IFI27L1: variants seen among roughly 807,000 people sequenced by gnomAD.
IFI27L1 encodes interferon alpha-inducible protein 27-like protein 1.
A neutral mutation model predicts 9.2 loss-of-function variants in IFI27L1; 3 were observed. That is an observed-to-expected ratio of 0.32 (90% confidence interval 0.15 to 0.84). The LOEUF (loss-of-function observed/expected upper bound fraction) is 0.84. Among genes scored for constraint, IFI27L1 ranks in the 40% least tolerant of loss-of-function variants. The probability of loss-of-function intolerance (pLI) is 0.56; values close to 1 mark genes in which losing one functional copy is unlikely to be tolerated. For synonymous variants in IFI27L1, 53 were observed against 50.0 expected, an observed-to-expected ratio of 1.06 and a Z score of -0.26; for missense variants, 133 against 134.2, an observed-to-expected ratio of 0.99 and a Z score of 0.05.
rs1218160758 is a variant in IFI27L1, at chr14:94,096,913, G to A, written c.-25G>A. 6.2e-7 allele frequency: 1 copy of A among 1,612,324 alleles called. No homozygotes were observed. Among genetic ancestry groups the A allele is most frequent in the Non-Finnish European group, 8.5e-7 (1 of 1,178,654 alleles). The stretch of plus-strand genomic sequence containing the variant: ...TGGAAGTCCAAGAATCCGAGTGGAG[G>A]CTCACCGAGGCGAAGGGGCCAACCA... On this transcript the variant is annotated 5_prime_UTR_variant, in exon 2 of 5. Coordinates refer to ENST00000555523, the MANE Select transcript of IFI27L1 (RefSeq NM_206949.3).
chr14:94,096,763 TTA>T (rs1886686850), intron 1 of IFI27L1, 122 bp from the exon 2 acceptor site: 1 of 560,640 alleles, frequency 1.8e-6, no homozygotes, highest in Non-Finnish European at 3.2e-6. Flanking sequence ...GTTTACGGGA[TTA>T]TATGTTTTAT....
intron 2 of IFI27L1, chr14:94,100,285 T>A (rs1886843174): frequency 1.0e-6 from 1 of 985,400 alleles, no homozygotes. Flanking sequence ...GTTACTTGGC[T>A]GAGACCAAGG....
At chr14:94,097,527 G>A (rs1886715867) in intron 2 of IFI27L1, 4 of 664,738 alleles carry the variant, frequency 6.0e-6, no homozygotes, top group Middle Eastern at 7.1e-4. Flanking sequence ...TGAGAGGATG[G>A]ATTCCGGGTT....
intron 1 of IFI27L1, among the ~76,000 whole-genome samples, chr14:94,083,879 C>G (rs72702311): frequency 0.013 from 2,026 of 152,124 alleles, 18 homozygotes; most frequent in Non-Finnish European, 0.02. Context: ...CGCTTGGGCT[C>G]TGGAGTGTGA....
intron 1 of IFI27L1, among the ~76,000 whole-genome samples, chr14:94,086,069 A>G (rs1328681239): frequency 2.0e-5 from 3 of 152,084 alleles, no homozygotes; most frequent in African/African-American, 7.2e-5. Context: ...GTCTGGTGGG[A>G]GGTGTTTGGA....
rs899338052 is a variant in IFI27L1, at chr14:94,100,392, C to T, written c.29-347C>T. On this transcript the variant is annotated intron_variant, in intron 2 of 4. Coordinates refer to ENST00000555523, the MANE Select transcript of IFI27L1 (RefSeq NM_206949.3). The stretch of plus-strand genomic sequence containing the variant: ...GCCTAAGCACCCCAGTCCCTGCCCC[C>T]GTGGCAGCCATTGTCAGATGTTCCT... The T allele has an allele frequency of 9.1e-6, 9 of 985,274 alleles. 1 individual carries two copies. The highest frequency in any genetic ancestry group is 1.0e-3 in the Middle Eastern group (2 of 1,936). The allele number at this position is 985,274 out of a possible 1,614,324, so 61.0% of individuals were successfully genotyped here. A position where few individuals can be genotyped will look rare whatever the true frequency, so the allele number is the denominator to read the frequency against.
intron 1 of IFI27L1, among the ~76,000 whole-genome samples, chr14:94,090,896 A>T (rs977829570): frequency 1.3e-5 from 2 of 152,260 alleles, no homozygotes; most frequent in Non-Finnish European, 2.9e-5. Context: ...TGGAGAAATC[A>T]GGTAGAGAGA....
chr14:94,087,484 T>A (rs1886319042), intron 1 of IFI27L1, among the ~76,000 whole-genome samples: 2 of 152,230 alleles, frequency 1.3e-5, no homozygotes, highest in Admixed American at 1.3e-4. Context: ...TGGAGTGCAG[T>A]GGCGCATCTC....
intron 1 of IFI27L1, among the ~76,000 whole-genome samples, chr14:94,083,996 T>G (rs1886197408): frequency 6.6e-6 from 1 of 152,080 alleles, no homozygotes; most frequent in Admixed American, 6.5e-5. Context: ...GGGGGAGATG[T>G]CAACCAAAAG....
rs1886529348 is a variant in IFI27L1, at chr14:94,092,857, C to A, written c.-51-4030C>A. Among the ~76,000 whole-genome samples, 6 of 152,288 alleles carry A rather than the reference C, an allele frequency of 3.9e-5. No individual in the cohort carries two copies. The South Asian group carries it at 1.2e-3, about 32-fold the overall frequency. On this transcript the variant is annotated intron_variant, in intron 1 of 4. Transcript: ENST00000555523. The stretch of plus-strand genomic sequence containing the variant: ...CTCGTGGTAGTAAGTCTCATGAGAT[C>A]TGATGATTTTATAAGGGGTTTCCCT...
At chr14:94,085,282 A>G (rs1294393468) in intron 1 of IFI27L1, among the ~76,000 whole-genome samples, 1 of 152,208 alleles carries the variant, frequency 6.6e-6, no homozygotes, top group Non-Finnish European at 1.5e-5. Flanking sequence ...GCCTGGAGTC[A>G]GGTCTGAGCT....
chr14:94,101,336 G>T (rs1368943102), intron 3 of IFI27L1: 2 of 215,522 alleles, frequency 9.3e-6, no homozygotes, highest in East Asian at 1.1e-4. Context: ...ATTGCAGATG[G>T]CTCTCTGACT....
Position 94,088,331 on chromosome 14 carries a change from G to A in IFI27L1, c.-52+6882G>A, listed in dbSNP as rs940590220. ...AAGTTTTCATTTTACTGGCATAGAT[G>A]CCCCAGAGCCAACAGGTGTGGCAGT... On this transcript the variant is annotated intron_variant, in intron 1 of 4. Coordinates refer to ENST00000555523, the MANE Select transcript of IFI27L1 (RefSeq NM_206949.3). The A allele has an allele frequency of 4.3e-6, 3 of 702,120 alleles. No individual in the cohort carries two copies. The African/African-American group carries it at 5.2e-5, about 12-fold the overall frequency. The allele number at this position is 702,120 out of a possible 1,614,324, so 43.5% of individuals were successfully genotyped here. A position where few individuals can be genotyped will look rare whatever the true frequency, so the allele number is the denominator to read the frequency against.
At chr14:94,095,292 C>A (rs1426596834) in intron 1 of IFI27L1, among the ~76,000 whole-genome samples, 1 of 152,180 alleles carries the variant, frequency 6.6e-6, no homozygotes, top group African/African-American at 2.4e-5. Context: ...TTGTCTTAGC[C>A]TCCCAAGTAA....
At position 94,084,075 on chromosome 14, in the gene IFI27L1, T is replaced by C. The variant is rs140446876; in HGVS notation, c.-52+2626T>C. On this transcript the variant is annotated intron_variant, in intron 1 of 4. Transcript: ENST00000555523. ...TATTTTTTTTCCTTCTTCTCAATAT[T>C]CTAATTTTAAAAAATAGTAAGAATA... 2.0e-3 allele frequency among the ~76,000 whole-genome samples: 302 copies of C among 152,304 alleles called. 2 individuals are homozygous for C. The highest frequency in any genetic ancestry group is 0.017 in the Middle Eastern group (5 of 294).
At chr14:94,083,513 C>T (rs1886179910) in intron 1 of IFI27L1, among the ~76,000 whole-genome samples, 1 of 152,176 alleles carries the variant, frequency 6.6e-6, no homozygotes, top group Non-Finnish European at 1.5e-5. Context: ...AAGAGTCAAT[C>T]CATGCAGCAA....
At chr14:94,082,813 GT>G (rs1886154247) in intron 1 of IFI27L1, among the ~76,000 whole-genome samples, 1 of 152,214 alleles carries the variant, frequency 6.6e-6, no homozygotes, top group Admixed American at 6.5e-5. Context: ...AATGTGCATA[GT>G]CACACGAGAG....
Position 94,101,811 on chromosome 14 carries a change from C to T in IFI27L1, c.62-3C>T. The T allele has an allele frequency of 6.2e-7, 1 of 1,614,190 alleles. No individual in the cohort carries two copies. The highest frequency in any genetic ancestry group is 8.5e-7 in the Non-Finnish European group (1 of 1,180,014). On this transcript the variant is annotated splice_region_variant and splice_polypyrimidine_tract_variant and intron_variant, in intron 3 of 4. Coordinates refer to ENST00000555523, the MANE Select transcript of IFI27L1 (RefSeq NM_206949.3). Reference sequence around the variant, plus strand: ...GCCAACCCCAAATCTCCACTTCCCGCAGTTGTGGCTGTGGGGACTGTGCTC... The same window carrying T: ...GCCAACCCCAAATCTCCACTTCCCGTAGTTGTGGCTGTGGGGACTGTGCTC...
At chr14:94,094,701 G>A (rs78833504) in intron 1 of IFI27L1, 10,833 of 152,066 alleles carry the variant, frequency 0.071, 463 homozygotes, top group Non-Finnish European at 0.091. Context: ...TCAGTCGAGC[G>A]GCCCAAGCTG....
Sources: allele counts gnomAD v4.1 joint callset (sites outside exome capture counted in the v4.1 genomes callset), GRCh38; gene constraint gnomAD v4.1.1; transcripts MANE v1.5; gene names NCBI Gene and HGNC (gene_info 2026-07-23, HGNC 2026-07-21).